Variants in ERICH5 observed in about 807,000 individuals in gnomAD.
The protein encoded by ERICH5 is glutamate rich 5.
Under a neutral mutation model 28.0 loss-of-function variants are expected in ERICH5, and 24 were observed. That is an observed-to-expected ratio of 0.86 (90% CI 0.62 to 1.21). ERICH5 has a LOEUF of 1.21. Among genes scored for constraint, ERICH5 ranks in the 50% most tolerant of loss-of-function variants. The pLI is 0.00. For missense variants in ERICH5, 421 were observed against 441.2 expected, an observed-to-expected ratio of 0.95 and a Z score of 0.41; for synonymous variants, 163 against 157.6, an observed-to-expected ratio of 1.03 and a Z score of -0.25.
intron 1 of ERICH5, among the ~76,000 whole-genome samples, chr8:98,076,390 CTTT>C (rs58330802): frequency 0.21 from 29,934 of 143,074 alleles, 3,317 homozygotes; most frequent in Admixed American, 0.33. Flanking sequence ...ATTAGAAGGC[CTTT>C]TTTTTTTTTT....
At position 98,089,191 on chromosome 8, in the gene ERICH5, C is replaced by A. The variant is rs144887662; in HGVS notation, c.174C>A (p.Ser58Arg). The A allele has an allele frequency of 2.5e-5, 41 of 1,614,090 alleles. No individual in the cohort carries two copies. The African/African-American group carries it at 3.1e-4, about 12-fold the overall frequency. Residue 58 changes from serine to arginine, a missense_variant, in exon 2 of 3, where the codon AGC (serine) becomes AGA (arginine). Coordinates refer to ENST00000318528, the MANE Select transcript of ERICH5 (RefSeq NM_173549.3). ...STVDGNVQRE[S>R]RPPLQKLKVS... Reference sequence around the variant, plus strand: ...TTGATGGCAATGTACAAAGGGAAAGCCGTCCTCCCTTACAAAAGCTCAAGG... The same window carrying A: ...TTGATGGCAATGTACAAAGGGAAAGACGTCCTCCCTTACAAAAGCTCAAGG...
intron 1 of ERICH5, among the ~76,000 whole-genome samples, chr8:98,081,685 T>G (rs1004099660): frequency 6.6e-6 from 1 of 152,198 alleles, no homozygotes; most frequent in African/African-American, 2.4e-5. Flanking sequence ...CCCAGCACTT[T>G]GGGAGGCCAA....
rs1240725218 is a variant in ERICH5, at chr8:98,070,238, A to G, written c.58+5511A>G. On this transcript the variant is annotated intron_variant, in intron 1 of 2. Transcript: ENST00000318528. ...TGGCCTTACACATAGAACATATGCA[A>G]TCAGCTGAGTGTGGACGCTCGAGCC... is the stretch of plus-strand genomic sequence containing the variant. Among the ~76,000 whole-genome samples, 5 of 152,286 alleles carry G rather than the reference A, an allele frequency of 3.3e-5. No individual in the cohort carries two copies. The East Asian group carries it at 5.8e-4, about 18-fold the overall frequency.
intron 1 of ERICH5, among the ~76,000 whole-genome samples, chr8:98,085,623 C>T (rs1815262465): frequency 6.6e-6 from 1 of 152,136 alleles, no homozygotes; most frequent in East Asian, 1.9e-4. Flanking sequence ...AATGGCTGAG[C>T]TATATGGTGC....
intron 1 of ERICH5, among the ~76,000 whole-genome samples, chr8:98,085,286 G>A (rs1421427618): frequency 6.6e-6 from 1 of 150,848 alleles, no homozygotes; most frequent in East Asian, 1.9e-4. Flanking sequence ...TCAGCCTCCC[G>A]AGTAGCTGGG....
At chr8:98,073,470 A>AATTTTTTTTTTTTT in intron 1 of ERICH5, among the ~76,000 whole-genome samples, 1 of 1,964 alleles carries the variant, frequency 5.1e-4, no homozygotes, top group African/African-American at 2.2e-3. Flanking sequence ...GTATATATAT[A>AATTTTTTTTTTTTT]TATATATATA....
rs771183715 is a variant in ERICH5, at chr8:98,089,163, C to G, written c.146C>G (p.Thr49Ser). 1 of 1,614,236 alleles carries G rather than the reference C, an allele frequency of 6.2e-7. No individual in the cohort carries two copies. Among genetic ancestry groups the G allele is most frequent in the Non-Finnish European group, 8.5e-7 (1 of 1,180,048 alleles). The stretch of plus-strand genomic sequence containing the variant: ...CCACATGCACTGGGAAGAGAATCTA[C>G]TGTTGATGGCAATGTACAAAGGGAA... ...PKPHALGRES[T>S]VDGNVQRESR... The change falls in exon 2 of 3, where the codon ACT becomes AGT. Residue 49 changes from threonine (T) to serine (S), a missense_variant. Transcript: ENST00000318528.
chr8:98,075,668 C>T (rs753937260), intron 1 of ERICH5, among the ~76,000 whole-genome samples: 2 of 152,010 alleles, frequency 1.3e-5, no homozygotes, highest in Non-Finnish European at 2.9e-5. Context: ...TGCACAGAGC[C>T]CCCACGCTTG....
At chr8:98,087,659 C>T (rs931423985) in intron 1 of ERICH5, among the ~76,000 whole-genome samples, 2 of 150,726 alleles carry the variant, frequency 1.3e-5, no homozygotes, top group African/African-American at 4.9e-5. Flanking sequence ...CATAATCATA[C>T]TTTATATAAA....
chr8:98,082,766 G>C (rs1471097340), intron 1 of ERICH5, among the ~76,000 whole-genome samples: 1 of 152,198 alleles, frequency 6.6e-6, no homozygotes, highest in Non-Finnish European at 1.5e-5. Flanking sequence ...AGCTACTTGG[G>C]AAGCTAAGGT....
At chr8:98,087,566 T>C (rs1039244183) in intron 1 of ERICH5, among the ~76,000 whole-genome samples, 7 of 152,176 alleles carry the variant, frequency 4.6e-5, no homozygotes, top group African/African-American at 1.7e-4. Context: ...ACTTATTTTC[T>C]TCCAGCTTTC....
At chr8:98,073,115 G>T (rs1814950625) in intron 1 of ERICH5, among the ~76,000 whole-genome samples, 1 of 151,920 alleles carries the variant, frequency 6.6e-6, no homozygotes, top group African/African-American at 2.4e-5. Context: ...AAGAATGTGG[G>T]CCTGGAGTTA....
chr8:98,090,877 G>A (rs1031301193), intron 2 of ERICH5, among the ~76,000 whole-genome samples: 2 of 152,066 alleles, frequency 1.3e-5, no homozygotes, highest in Non-Finnish European at 2.9e-5. Context: ...CTTAAGTGAA[G>A]CATTCATTAT....
intron 2 of ERICH5, among the ~76,000 whole-genome samples, chr8:98,092,375 C>G (rs1191916850): frequency 6.6e-6 from 1 of 152,160 alleles, no homozygotes; most frequent in Non-Finnish European, 1.5e-5. Flanking sequence ...GTTGGCCAGG[C>G]CGGTCTCAGA....
At chr8:98,065,034 C>T (rs1001417796) in intron 1 of ERICH5, among the ~76,000 whole-genome samples, 1 of 152,182 alleles carries the variant, frequency 6.6e-6, no homozygotes, top group Non-Finnish European at 1.5e-5. Flanking sequence ...GGTGTTGAGG[C>T]CCTAAGGCGG....
chr8:98,091,856 C>CT (rs1161224952), intron 2 of ERICH5, among the ~76,000 whole-genome samples: 1 of 85,528 alleles, frequency 1.2e-5, no homozygotes. Flanking sequence ...TTCTTTCTTT[C>CT]TTTCTTTCTT....
intron 1 of ERICH5, among the ~76,000 whole-genome samples, chr8:98,077,031 C>T (rs931650052): frequency 3.3e-5 from 5 of 151,664 alleles, no homozygotes; most frequent in East Asian, 3.9e-4. Flanking sequence ...AAAAGGCCAA[C>T]GCAGGAGGAT....
intron 1 of ERICH5, among the ~76,000 whole-genome samples, chr8:98,088,286 A>G (rs115271987): frequency 0.012 from 1,837 of 152,316 alleles, 32 homozygotes; most frequent in African/African-American, 0.042. Flanking sequence ...TCACTTTTGC[A>G]TCTTTTAAAC....
At chr8:98,068,689 T>C (rs1035078579) in intron 1 of ERICH5, among the ~76,000 whole-genome samples, 1 of 152,340 alleles carries the variant, frequency 6.6e-6, no homozygotes, top group South Asian at 2.1e-4. Context: ...TCTGCTAACA[T>C]GGATAATCAC....
Sources: gnomAD v4.1 joint callset for allele counts (sites outside exome capture counted in the v4.1 genomes callset) on GRCh38, gnomAD v4.1.1 for gene constraint, MANE v1.5 for transcripts, NCBI Gene and HGNC (gene_info 2026-07-23, HGNC 2026-07-21) for gene names.